CFAP47: variants seen among roughly 807,000 people sequenced by gnomAD.
The protein encoded by CFAP47 is cilia and flagella associated protein 47.
CFAP47 carries 29 observed loss-of-function variants against 148.1 expected under a neutral mutation model. That is an observed-to-expected ratio of 0.20 (90% CI 0.15 to 0.27). CFAP47 has a LOEUF of 0.27. CFAP47 is among the 10% of genes least tolerant of loss of function. The pLI is 1.00. For missense variants in CFAP47, 1,872 were observed against 1,697.5 expected (o/e 1.10, Z -1.81); for synonymous variants, 664 against 577.3 (o/e 1.15, Z -2.15).
At chrX:36,207,822 T>C (rs377382985) in intron 45 of CFAP47, among the ~76,000 whole-genome samples, 44 of 111,521 alleles carry the variant, frequency 3.9e-4, no homozygotes, top group African/African-American at 1.2e-3. Flanking sequence ...ATTGCTAGCA[T>C]AGCTAAGCAG....
intron 45 of CFAP47, among the ~76,000 whole-genome samples, chrX:36,222,270 T>G (rs1263416008): frequency 9.0e-6 from 1 of 111,290 alleles, no homozygotes; most frequent in Non-Finnish European, 1.9e-5. Flanking sequence ...TTCATTTTCC[T>G]TCCTCAATTC....
At chrX:36,133,764 C>T (rs1389509772) in intron 33 of CFAP47, among the ~76,000 whole-genome samples, 1 of 106,619 alleles carries the variant, frequency 9.4e-6, no homozygotes, top group African/African-American at 3.4e-5. Flanking sequence ...AGATACTGTC[C>T]CCCAAAGGGC....
intron 56 of CFAP47, among the ~76,000 whole-genome samples, chrX:36,313,299 A>T (rs1272099382): frequency 2.7e-5 from 3 of 110,889 alleles, no homozygotes; most frequent in Non-Finnish European, 5.7e-5. Flanking sequence ...ACTTACAATC[A>T]TGGTGGAAAA....
chrX:36,064,680 G>C (rs1013463062), intron 26 of CFAP47, among the ~76,000 whole-genome samples: 1 of 111,720 alleles, frequency 9.0e-6, no homozygotes, highest in African/African-American at 3.2e-5. Flanking sequence ...GTAGATGATA[G>C]ATGGCTGATT....
At chrX:36,146,557 TAAAAC>T (rs1206009214) in intron 36 of CFAP47, among the ~76,000 whole-genome samples, 1 of 111,374 alleles carries the variant, frequency 9.0e-6, no homozygotes, top group Non-Finnish European at 1.9e-5. Context: ...ATATGCAAGA[TAAAAC>T]AAATTACAAC....
chrX:36,310,680 A>G (rs1390606989), intron 55 of CFAP47, among the ~76,000 whole-genome samples, 153 bp from the exon 56 acceptor site: 5 of 111,758 alleles, frequency 4.5e-5, no homozygotes, highest in Non-Finnish European at 9.5e-5. Context: ...ATTAAAAGGA[A>G]TTTGGAAAAG....
chrX:36,138,031 G>A lies in CFAP47; in HGVS notation c.5394G>A (p.Gln1798=). 1 of 921,953 alleles carries A rather than the reference G, an allele frequency of 1.1e-6. No homozygotes were observed. Among genetic ancestry groups the A allele is most frequent in the Non-Finnish European group, 1.6e-6 (1 of 638,389 alleles). 76.0% of individuals were successfully genotyped at this position (921,953 alleles called of 1,213,427 possible). ...CAGATGGTCTTGTTTTTGCAACACAGTTGGGAGCCTATTGCCCATTCTTGG... is the reference window on the plus strand; with the variant it reads ...CAGATGGTCTTGTTTTTGCAACACAATTGGGAGCCTATTGCCCATTCTTGG... ...DLSDGLVFAT[Q]LGAYCPFLIE... The change falls in exon 34 of 64, where the codon CAG becomes CAA. Residue 1798 remains glutamine, a synonymous_variant. Coordinates refer to ENST00000378653, the MANE Select transcript of CFAP47 (RefSeq NM_001304548.2).
At chrX:36,153,915 TTCTG>T (rs1441807087) in intron 37 of CFAP47, among the ~76,000 whole-genome samples, 1 of 111,867 alleles carries the variant, frequency 8.9e-6, no homozygotes, top group Non-Finnish European at 1.9e-5. Context: ...CTTAAAATTA[TTCTG>T]TCTCTCAGGC....
At chrX:36,075,804 T>C (rs1937843244) in intron 29 of CFAP47, among the ~76,000 whole-genome samples, 1 of 111,752 alleles carries the variant, frequency 8.9e-6, no homozygotes. Flanking sequence ...TTTGTTCCTG[T>C]GTTTATTCAT....
chrX:35,988,742 G>T (rs1304120477), intron 15 of CFAP47, among the ~76,000 whole-genome samples: 1 of 111,866 alleles, frequency 8.9e-6, no homozygotes, highest in Non-Finnish European at 1.9e-5. Flanking sequence ...AGATAAAACA[G>T]CTCACTCCAA....
At chrX:36,324,719 C>T (rs1380748908) in intron 57 of CFAP47, among the ~76,000 whole-genome samples, 1 of 111,514 alleles carries the variant, frequency 9.0e-6, no homozygotes, top group Non-Finnish European at 1.9e-5. Context: ...TGGACTTCTA[C>T]TTTTCCTCAA....
intron 8 of CFAP47, among the ~76,000 whole-genome samples, chrX:35,962,509 T>C (rs1205488073): frequency 9.0e-6 from 1 of 111,380 alleles, no homozygotes; most frequent in Admixed American, 9.6e-5. Context: ...TATATGGTTA[T>C]AATATGCATT....
intron 44 of CFAP47, among the ~76,000 whole-genome samples, chrX:36,202,376 G>A (rs1203950171): frequency 1.8e-5 from 2 of 111,151 alleles, no homozygotes; most frequent in South Asian, 3.8e-4. Flanking sequence ...TACATGACCC[G>A]TCATGTAGGA....
chrX:36,171,092 C>T (rs1939569556), intron 39 of CFAP47, among the ~76,000 whole-genome samples: 1 of 110,757 alleles, frequency 9.0e-6, no homozygotes, highest in African/African-American at 3.3e-5. Context: ...GCATAAATGT[C>T]TTCTTTTGAG....
At position 36,299,137 on chromosome X, in the gene CFAP47, G is replaced by C; in HGVS notation, c.7847G>C (p.Gly2616Ala). The C allele has an allele frequency of 9.5e-7, 1 of 1,050,981 alleles. No homozygotes were observed. The highest frequency in any genetic ancestry group is 3.0e-5 in the South Asian group (1 of 33,767). The allele number at this position is 1,050,981 out of a possible 1,213,427, so 86.6% of individuals were successfully genotyped here. Residue 2616 changes from glycine (G) to alanine (A), a missense_variant, in exon 52 of 64, where the codon GGC becomes GCC. Coordinates refer to ENST00000378653, the MANE Select transcript of CFAP47 (RefSeq NM_001304548.2). ...YIVWYSPATT[G>A]YSDESIIFQP... ...GTATGGTATTCTCCAGCAACTACAGGCTACAGCGATGAAAGGTATGGTTTG... is the reference window on the plus strand; with the variant it reads ...GTATGGTATTCTCCAGCAACTACAGCCTACAGCGATGAAAGGTATGGTTTG...
At chrX:36,212,292 T>C (rs1189757755) in intron 45 of CFAP47, among the ~76,000 whole-genome samples, 1 of 112,404 alleles carries the variant, frequency 8.9e-6, no homozygotes, top group Non-Finnish European at 1.9e-5. Flanking sequence ...CAAACTGGTC[T>C]AATTACTATT....
At chrX:36,355,193 T>C (rs1435132529) in intron 60 of CFAP47, among the ~76,000 whole-genome samples, 1 of 110,946 alleles carries the variant, frequency 9.0e-6, no homozygotes. Context: ...CCTATCACCA[T>C]GGCTAACGTC....
intron 33 of CFAP47, among the ~76,000 whole-genome samples, chrX:36,107,528 G>A (rs745411756): frequency 1.8e-5 from 2 of 112,546 alleles, no homozygotes; most frequent in East Asian, 5.6e-4. Context: ...AAGTTGAAAA[G>A]ATGTTCAAGT....
chrX:35,937,513 T>TATAA (rs1328561899), intron 2 of CFAP47, among the ~76,000 whole-genome samples: 1 of 110,342 alleles, frequency 9.1e-6, no homozygotes, highest in African/African-American at 3.3e-5. Context: ...TTGCCTCGTG[T>TATAA]ACCATTTTCA....
Sources: allele counts gnomAD v4.1 joint callset (sites outside exome capture counted in the v4.1 genomes callset), GRCh38; gene constraint gnomAD v4.1.1; transcripts MANE v1.5; gene names NCBI Gene and HGNC (gene_info 2026-07-23, HGNC 2026-07-21).